NTNG1: variants seen among roughly 807,000 people sequenced by gnomAD.
NTNG1 encodes the protein netrin-G1.
NTNG1 carries 16 observed loss-of-function variants against 54.0 expected under a neutral mutation model. The ratio of observed to expected loss-of-function variants is 0.30; its 90% confidence interval spans 0.20 to 0.45. NTNG1 has a LOEUF of 0.45. Ranked by LOEUF, NTNG1 falls within the 20% of genes least tolerant of loss-of-function variation. The pLI is 1.00. For synonymous variants in NTNG1, 255 were observed against 263.1 expected, an observed-to-expected ratio of 0.97 and a Z score of 0.30; for missense variants, 530 against 678.7, an observed-to-expected ratio of 0.78 and a Z score of 2.43.
chr1:107,228,737 A>G (rs1660853839), intron 2 of NTNG1, among the ~76,000 whole-genome samples: 1 of 152,192 alleles, frequency 6.6e-6, no homozygotes, highest in Non-Finnish European at 1.5e-5. Flanking sequence ...GATTCATACA[A>G]TAATAGTGTT....
chr1:107,187,788 TATG>T (rs1407069837), intron 2 of NTNG1, among the ~76,000 whole-genome samples: 3 of 152,210 alleles, frequency 2.0e-5, no homozygotes, highest in Non-Finnish European at 4.4e-5. Flanking sequence ...CAAGGACACA[TATG>T]ATGCAGAAGC....
chr1:107,148,948 G>C, intron 2 of NTNG1, 109 bp downstream of exon 2: 1 of 1,124,276 alleles, frequency 8.9e-7, no homozygotes, highest in Non-Finnish European at 1.3e-6. Flanking sequence ...TGAATCTGCA[G>C]GTGGCAGATT....
intron 6 of NTNG1, among the ~76,000 whole-genome samples, chr1:107,435,294 A>G (rs1283554928): frequency 2.0e-5 from 3 of 152,174 alleles, no homozygotes; most frequent in African/African-American, 4.8e-5. Flanking sequence ...CTGCTTCCAT[A>G]TACACATGCA....
chr1:107,192,824 A>T (rs563385109), intron 2 of NTNG1, among the ~76,000 whole-genome samples: 14 of 152,164 alleles, frequency 9.2e-5, no homozygotes, highest in African/African-American at 3.4e-4. Context: ...ATTTTAATTC[A>T]GCTGGTTCAC....
At chr1:107,370,804 A>G (rs903085794) in intron 3 of NTNG1, among the ~76,000 whole-genome samples, 1 of 152,074 alleles carries the variant, frequency 6.6e-6, no homozygotes, top group Non-Finnish European at 1.5e-5. Context: ...TAGGTTTTGC[A>G]CATATTTTGT....
chr1:107,190,847 T>C (rs1456928733), intron 2 of NTNG1, among the ~76,000 whole-genome samples: 1 of 152,210 alleles, frequency 6.6e-6, no homozygotes, highest in Non-Finnish European at 1.5e-5. Flanking sequence ...TGAGGTTGGT[T>C]CCAAGTCTTT....
intron 2 of NTNG1, among the ~76,000 whole-genome samples, chr1:107,158,862 GAT>G (rs1319129581): frequency 6.6e-6 from 1 of 152,156 alleles, no homozygotes; most frequent in African/African-American, 2.4e-5. Context: ...TTCAAAGAAA[GAT>G]ATTTTAGTGT....
At chr1:107,412,943 C>T (rs527382245) in intron 5 of NTNG1, among the ~76,000 whole-genome samples, 3 of 152,016 alleles carry the variant, frequency 2.0e-5, no homozygotes, top group Non-Finnish European at 2.9e-5. Flanking sequence ...AAATAAAATT[C>T]GATATGCCAT....
At chr1:107,273,997 A>T (rs1664316195) in intron 2 of NTNG1, among the ~76,000 whole-genome samples, 1 of 152,090 alleles carries the variant, frequency 6.6e-6, no homozygotes, top group African/African-American at 2.4e-5. Context: ...TGTCTTTGGA[A>T]CTTACCATTT....
chr1:107,309,143 CT>C (rs1383310334), intron 2 of NTNG1, among the ~76,000 whole-genome samples: 2 of 152,118 alleles, frequency 1.3e-5, no homozygotes, highest in Non-Finnish European at 2.9e-5. Context: ...CCAATCTATC[CT>C]CCTTTCATTT....
intron 1 of NTNG1, among the ~76,000 whole-genome samples, chr1:107,145,670 TC>T (rs1654049307): frequency 6.6e-6 from 1 of 152,096 alleles, no homozygotes; most frequent in Non-Finnish European, 1.5e-5. Flanking sequence ...AAACTATTAA[TC>T]ACAACTGGTT....
At chr1:107,474,381 C>A (rs1340092998) in intron 7 of NTNG1, among the ~76,000 whole-genome samples, 1 of 152,148 alleles carries the variant, frequency 6.6e-6, no homozygotes, top group East Asian at 1.9e-4. Context: ...TCACTTGGAT[C>A]TTTAATTTGC....
At chr1:107,451,108 C>CTTTTTTTTT (rs55906603) in intron 7 of NTNG1, among the ~76,000 whole-genome samples, 3 of 138,386 alleles carry the variant, frequency 2.2e-5, no homozygotes, top group African/African-American at 2.7e-5. Context: ...TTCTTTCTTT[C>CTTTTTTTTT]TTTTTTTTTT....
chr1:107,375,926 A>C (rs1247844196), intron 3 of NTNG1, among the ~76,000 whole-genome samples: 1 of 152,086 alleles, frequency 6.6e-6, no homozygotes, highest in Non-Finnish European at 1.5e-5. Flanking sequence ...CCTCTTCCTC[A>C]TTTTGGAGAA....
intron 3 of NTNG1, among the ~76,000 whole-genome samples, chr1:107,376,299 T>G (rs1297753661): frequency 6.6e-6 from 1 of 151,832 alleles, no homozygotes; most frequent in Non-Finnish European, 1.5e-5. Context: ...TCCCAGCTAC[T>G]CGGGAGGCTG....
intron 3 of NTNG1, among the ~76,000 whole-genome samples, chr1:107,361,263 A>G (rs930964394): frequency 3.8e-4 from 55 of 143,110 alleles, no homozygotes; most frequent in Non-Finnish European, 6.1e-4. Context: ...AATATATGTT[A>G]TGTAAGAACT....
At chr1:107,411,169 T>G (rs1241993638) in intron 5 of NTNG1, among the ~76,000 whole-genome samples, 3 of 133,082 alleles carry the variant, frequency 2.3e-5, no homozygotes, top group African/African-American at 8.3e-5. Flanking sequence ...AGGAAGGTGT[T>G]TGGCTATTCC....
At chr1:107,413,528 C>A (rs545586132) in intron 5 of NTNG1, among the ~76,000 whole-genome samples, 1 of 152,166 alleles carries the variant, frequency 6.6e-6, no homozygotes, top group South Asian at 2.1e-4. Context: ...CCCAAAGGGA[C>A]CTTGTAATTT....
chr1:107,248,409 T>C (rs937325357), intron 2 of NTNG1, among the ~76,000 whole-genome samples: 1 of 152,214 alleles, frequency 6.6e-6, no homozygotes, highest in Non-Finnish European at 1.5e-5. Flanking sequence ...AGCCAGTTTT[T>C]GGTTTAGGAA....
Sources: gnomAD v4.1 joint callset for allele counts (sites outside exome capture counted in the v4.1 genomes callset) on GRCh38, gnomAD v4.1.1 for gene constraint, MANE v1.5 for transcripts, NCBI Gene and HGNC (gene_info 2026-07-23, HGNC 2026-07-21) for gene names.